Variants in PGBD2 observed in about 807,000 individuals in gnomAD.
PGBD2 encodes the protein piggyBac transposable element derived 2, also known as piggyBac transposable element-derived protein 2.
In PGBD2, 6 loss-of-function variants were observed where a neutral mutation model predicts 8.1. The observed-to-expected ratio is 0.74, with a 90% CI of 0.40 to 1.46. The LOEUF is 1.46. Ranked by LOEUF, PGBD2 falls within the 40% of genes most tolerant of loss-of-function variation. The pLI, the probability that PGBD2 is intolerant of heterozygous loss-of-function variation, is 0.02. For missense variants in PGBD2, 802 were observed against 739.0 expected, an observed-to-expected ratio of 1.09 and a Z score of -0.99; for synonymous variants, 318 against 272.2, an observed-to-expected ratio of 1.17 and a Z score of -1.66.
At chr1:248,910,594 G>A (rs1036632855) in intron 1 of PGBD2, among the ~76,000 whole-genome samples, 3 of 152,214 alleles carry the variant, frequency 2.0e-5, no homozygotes, top group Non-Finnish European at 4.4e-5. Flanking sequence ...GTGAAAGGGG[G>A]TGGGGAGAGA....
Position 248,918,405 on chromosome 1 carries a change from C to G in PGBD2, c.*42C>G. 2.0e-6 allele frequency: 3 copies of G among 1,500,040 alleles called. No individual in the cohort carries two copies. 92.9% of individuals were successfully genotyped at this position (1,500,040 alleles called of 1,614,324 possible). ...TCTTTGGTTTATAATGAGATGTTTA[C>G]AGTTAAATACAGATGGCAGTTGAGC... is the stretch of plus-strand genomic sequence containing the variant. On this transcript the variant is annotated 3_prime_UTR_variant, in exon 3 of 3. Transcript: ENST00000329291.
chr1:248,907,588 C>T (rs1434107404), intron 1 of PGBD2, among the ~76,000 whole-genome samples: 1 of 152,162 alleles, frequency 6.6e-6, no homozygotes, highest in Non-Finnish European at 1.5e-5. Context: ...GGGCAGAGGT[C>T]CCTGTGGCTT....
chr1:248,895,748 C>T, the PGBD2 span, among the ~76,000 whole-genome samples: 16 of 151,998 alleles, frequency 1.1e-4, no homozygotes, highest in African/African-American at 3.4e-4. Context: ...AGTGCAGTGG[C>T]GTGATCTTGG....
At chr1:248,925,628 CA>C in the PGBD2 span, among the ~76,000 whole-genome samples, 1 of 150,698 alleles carries the variant, frequency 6.6e-6, no homozygotes, top group African/African-American at 2.5e-5. Context: ...TCACAGAGGC[CA>C]AAGTGCTCCC....
At chr1:248,891,903 C>A in the PGBD2 span, among the ~76,000 whole-genome samples, 1 of 152,184 alleles carries the variant, frequency 6.6e-6, no homozygotes, top group Non-Finnish European at 1.5e-5. Context: ...TTTATACTTT[C>A]TAGGTAATGA....
At chr1:248,883,584 CTTTTTTTTTT>C in the PGBD2 span, among the ~76,000 whole-genome samples, 11 of 89,164 alleles carry the variant, frequency 1.2e-4, no homozygotes, top group African/African-American at 2.1e-4. Context: ...TTTTTTTTTT[CTTTTTTTTTT>C]TTTTTTTTTT....
chr1:248,905,353 G>A (rs1042004883), upstream of PGBD2, among the ~76,000 whole-genome samples: 5 of 152,266 alleles, frequency 3.3e-5, no homozygotes, highest in Non-Finnish European at 5.9e-5. Context: ...AGCCTTTCAG[G>A]GCAAGGCAGT....
the PGBD2 span, among the ~76,000 whole-genome samples, chr1:248,896,852 G>A: frequency 1.3e-5 from 2 of 152,216 alleles, no homozygotes; most frequent in Non-Finnish European, 2.9e-5. Context: ...GGGATCGCCC[G>A]CTCCCAGGCC....
At chr1:248,924,793 TCTTA>T (rs1467878326), downstream of PGBD2, among the ~76,000 whole-genome samples, 1 of 152,202 alleles carries the variant, frequency 6.6e-6, no homozygotes, top group Non-Finnish European at 1.5e-5. Flanking sequence ...ACTGAGGTTT[TCTTA>T]CTTGCTGCCA....
chr1:248,878,838 G>A, the PGBD2 span, among the ~76,000 whole-genome samples: 7 of 152,140 alleles, frequency 4.6e-5, no homozygotes, highest in Non-Finnish European at 1.0e-4. Flanking sequence ...TGGGTGGCTC[G>A]CCGCTATTGC....
chr1:248,875,734 C>T, the PGBD2 span, among the ~76,000 whole-genome samples: 1 of 152,158 alleles, frequency 6.6e-6, no homozygotes, highest in African/African-American at 2.4e-5. Context: ...ACACTCTACA[C>T]GATCAGACGG....
At position 248,908,765 on chromosome 1, in the gene PGBD2, T is replaced by A. The variant is rs76945547; in HGVS notation, c.-48+2423T>A. Reference sequence around the variant, plus strand: ...GGTCTTCAAGTCTCTGCAGGGCTGGTACAGCCTCTTGTACCCTGTCCCGCA... The same window carrying A: ...GGTCTTCAAGTCTCTGCAGGGCTGGAACAGCCTCTTGTACCCTGTCCCGCA... On this transcript the variant is annotated intron_variant, in intron 1 of 2. Transcript: ENST00000329291. 8.5e-5 allele frequency among the ~76,000 whole-genome samples: 13 copies of A among 152,152 alleles called. No homozygotes were observed. The East Asian group carries it at 2.5e-3, about 29-fold the overall frequency.
At position 248,917,571 on chromosome 1, in the gene PGBD2, T is replaced by C. The variant is rs752542522; in HGVS notation, c.987T>C (p.Ser329=). The part of the protein sequence containing the change: ...KPDRSLDLGG[S]MVIKFVDALQ... ...ACAGGAGCTTGGATCTAGGAGGCAG[T>C]ATGGTAATAAAATTTGTGGATGCGC... The change falls in exon 3 of 3, where the codon AGT becomes AGC. Residue 329 remains serine (S), a synonymous_variant. Transcript: ENST00000329291. The C allele has an allele frequency of 1.1e-5, 18 of 1,614,064 alleles. No homozygotes were observed. The highest frequency in any genetic ancestry group is 3.4e-6 in the Non-Finnish European group (4 of 1,180,040).
intron 1 of PGBD2, among the ~76,000 whole-genome samples, chr1:248,908,127 C>T (rs544107903): frequency 6.6e-6 from 1 of 152,192 alleles, no homozygotes; most frequent in Non-Finnish European, 1.5e-5. Flanking sequence ...AATTTCTTTA[C>T]TCTCACCTAT....
the PGBD2 span, among the ~76,000 whole-genome samples, chr1:248,890,620 C>A: frequency 6.6e-6 from 1 of 151,768 alleles, no homozygotes; most frequent in Admixed American, 6.6e-5. Flanking sequence ...CACACACATA[C>A]CACATCATAC....
chr1:248,896,163 A>T, the PGBD2 span, among the ~76,000 whole-genome samples: 3 of 152,096 alleles, frequency 2.0e-5, no homozygotes, highest in Admixed American at 2.0e-4. Context: ...AATGGTCTTC[A>T]ACTCCATCCA....
rs117782572 is a variant in PGBD2 at position 248,913,566 on chromosome 1, G to T, written c.-47-250G>T. ...CCGCTAAACATCCTAGAATGCAGTG[G>T]AAAGCCCCGCCACCCCACAAGGGAA... On this transcript the variant is annotated intron_variant, in intron 1 of 2. Coordinates refer to ENST00000329291, the MANE Select transcript of PGBD2 (RefSeq NM_170725.3). 2.8e-3 allele frequency among the ~76,000 whole-genome samples: 433 copies of T among 152,254 alleles called. 18 individuals carry two copies. The East Asian group carries it at 0.072, about 25-fold the overall frequency.
the PGBD2 span, among the ~76,000 whole-genome samples, chr1:248,895,723 CTG>C: frequency 6.6e-6 from 1 of 151,844 alleles, no homozygotes; most frequent in Non-Finnish European, 1.5e-5. Flanking sequence ...GAACCTTGCT[CTG>C]TCACCAGGCT....
chr1:248,921,867 A>T (rs776759359), downstream of PGBD2, among the ~76,000 whole-genome samples: 1 of 152,062 alleles, frequency 6.6e-6, no homozygotes, highest in Non-Finnish European at 1.5e-5. Flanking sequence ...TGTAAATTGT[A>T]TTCCCAGGTA....
Sources: gnomAD v4.1 joint callset for allele counts (sites outside exome capture counted in the v4.1 genomes callset) on GRCh38, gnomAD v4.1.1 for gene constraint, MANE v1.5 for transcripts, NCBI Gene and HGNC (gene_info 2026-07-23, HGNC 2026-07-21) for gene names.